Variants in RIMS2 observed in about 807,000 individuals in gnomAD.
The protein encoded by RIMS2 is regulating synaptic membrane exocytosis protein 2.
RIMS2 carries 59 observed loss-of-function variants against 174.4 expected under a neutral mutation model. The observed-to-expected ratio is 0.34, with a 90% CI of 0.27 to 0.42. The LOEUF is 0.42. Among genes scored for constraint, RIMS2 ranks in the 10% least tolerant of loss-of-function variants. The pLI is 1.00. For synonymous variants in RIMS2, 606 were observed against 572.5 expected (o/e 1.06, Z -0.84); for missense variants, 1,620 against 1,666.3 (o/e 0.97, Z 0.48).
At chr8:104,205,723 G>T (rs1306514437) in intron 19 of RIMS2, among the ~76,000 whole-genome samples, 4 of 151,826 alleles carry the variant, frequency 2.6e-5, no homozygotes, top group Admixed American at 1.3e-4. Context: ...TGATTATCAG[G>T]CACACTCATC....
At chr8:104,185,703 C>G (rs968755387) in intron 19 of RIMS2, among the ~76,000 whole-genome samples, 1 of 151,354 alleles carries the variant, frequency 6.6e-6, no homozygotes, top group Non-Finnish European at 1.5e-5. Context: ...ATTATATACA[C>G]CAGTCAGAAT....
At chr8:103,518,235 A>G (rs577200157) in intron 1 of RIMS2, among the ~76,000 whole-genome samples, 3 of 152,036 alleles carry the variant, frequency 2.0e-5, no homozygotes, top group Non-Finnish European at 4.4e-5. Context: ...AAGTTATTAG[A>G]ATGACTGTAT....
intron 1 of RIMS2, among the ~76,000 whole-genome samples, chr8:103,511,528 CTA>C (rs1360500730): frequency 1.3e-5 from 2 of 152,100 alleles, no homozygotes; most frequent in African/African-American, 4.8e-5. Context: ...ATTTTTTACC[CTA>C]GAGTCTGGTT....
chr8:104,115,539 A>G (rs1475132481), intron 19 of RIMS2, among the ~76,000 whole-genome samples: 1 of 152,184 alleles, frequency 6.6e-6, no homozygotes, highest in African/African-American at 2.4e-5. Flanking sequence ...CAGAAATAGG[A>G]AAGTGAACAT....
intron 3 of RIMS2, among the ~76,000 whole-genome samples, chr8:103,840,442 A>ATTTTTTTTTTTTTTTTTT (rs2098932456): frequency 6.6e-6 from 1 of 151,870 alleles, no homozygotes; most frequent in African/African-American, 2.4e-5. Context: ...GTGGTAATTC[A>ATTTTTTTTTTTTTTTTTT]TTTATTTTGA....
Position 103,931,345 on chromosome 8 carries a change from G to A in RIMS2, c.2327G>A (p.Gly776Glu), listed in dbSNP as rs768216298. 3.7e-6 allele frequency: 6 copies of A among 1,606,124 alleles called. No individual in the cohort carries two copies. The South Asian group carries it at 4.4e-5, about 12-fold the overall frequency. Residue 776 changes from glycine (G) to glutamate (E), a missense_variant, in exon 12 of 24, where the codon GGG (glycine) becomes GAG (glutamate). Transcript: ENST00000504942. ...AAAGATCTCCCTTCCAGGGAAGATG[G>A]GAGGCCAAGGAATCCTTATGTTAAA... is the stretch of plus-strand genomic sequence containing the variant.
chr8:103,503,460 C>T (rs956152894), intron 1 of RIMS2, among the ~76,000 whole-genome samples: 1 of 151,906 alleles, frequency 6.6e-6, no homozygotes, highest in East Asian at 1.9e-4. Context: ...ATAATACTAA[C>T]GGTCTTCAAT....
chr8:103,579,306 C>T (rs968021033), intron 1 of RIMS2, among the ~76,000 whole-genome samples: 1 of 150,766 alleles, frequency 6.6e-6, no homozygotes, highest in East Asian at 1.9e-4. Flanking sequence ...CACACACACA[C>T]ACGAAATGCC....
chr8:103,882,330 G>A (rs571985737), intron 3 of RIMS2, among the ~76,000 whole-genome samples: 1 of 151,548 alleles, frequency 6.6e-6, no homozygotes, highest in South Asian at 2.1e-4. Context: ...AAATTTAAAG[G>A]ACAGTATATA....
chr8:104,213,771 G>A (rs1350062911), intron 19 of RIMS2, among the ~76,000 whole-genome samples: 1 of 144,266 alleles, frequency 6.9e-6, no homozygotes, highest in African/African-American at 2.6e-5. Context: ...CTGCTACTCA[G>A]GAGGCTGAGG....
chr8:103,722,001 C>A (rs912652537), intron 2 of RIMS2, among the ~76,000 whole-genome samples: 1 of 151,974 alleles, frequency 6.6e-6, no homozygotes, highest in Non-Finnish European at 1.5e-5. Flanking sequence ...GTAGGGAAGG[C>A]AATGATTTTA....
intron 1 of RIMS2, among the ~76,000 whole-genome samples, chr8:103,563,902 A>C (rs1327473949): frequency 6.6e-6 from 1 of 152,144 alleles, no homozygotes; most frequent in Non-Finnish European, 1.5e-5. Flanking sequence ...CTCTTATAAA[A>C]CCAGCAAATC....
intron 4 of RIMS2, among the ~76,000 whole-genome samples, chr8:103,899,894 G>T (rs2099317871): frequency 1.3e-5 from 2 of 151,680 alleles, no homozygotes; most frequent in South Asian, 4.1e-4. Context: ...ATTAATTTTT[G>T]TATAAGGTGT....
chr8:104,107,975 C>T (rs999150648), intron 19 of RIMS2, among the ~76,000 whole-genome samples: 7 of 150,946 alleles, frequency 4.6e-5, no homozygotes, highest in East Asian at 1.9e-4. Context: ...CTGCCCCCCC[C>T]CCACAATGGA....
intron 17 of RIMS2, among the ~76,000 whole-genome samples, chr8:104,010,141 T>G (rs1202052191): frequency 6.6e-6 from 1 of 152,162 alleles, no homozygotes; most frequent in Non-Finnish European, 1.5e-5. Context: ...TACAAATCCC[T>G]TGTCCTTTCA....
chr8:104,042,327 A>T (rs1204279703), intron 19 of RIMS2, among the ~76,000 whole-genome samples: 6 of 151,570 alleles, frequency 4.0e-5, no homozygotes, highest in Admixed American at 4.0e-4. Flanking sequence ...GCAGAGACCG[A>T]TTTATGAAGA....
chr8:104,107,967 G>T (rs1040315586), intron 19 of RIMS2, among the ~76,000 whole-genome samples: 1 of 141,162 alleles, frequency 7.1e-6, no homozygotes, highest in African/African-American at 2.6e-5. Flanking sequence ...TCTTTCCCCT[G>T]CCCCCCCCCC....
chr8:103,683,730 A>G (rs562307809), intron 1 of RIMS2, among the ~76,000 whole-genome samples: 1 of 152,310 alleles, frequency 6.6e-6, no homozygotes, highest in African/African-American at 2.4e-5. Flanking sequence ...AATATGTGTC[A>G]AATTTCTACA....
At chr8:104,204,945 C>G (rs1351859654) in intron 19 of RIMS2, among the ~76,000 whole-genome samples, 1 of 152,056 alleles carries the variant, frequency 6.6e-6, no homozygotes, top group African/African-American at 2.4e-5. Context: ...GCTAAACAAA[C>G]CTAAGATTAC....
Sources: gnomAD v4.1 joint callset for allele counts (sites outside exome capture counted in the v4.1 genomes callset) on GRCh38, gnomAD v4.1.1 for gene constraint, MANE v1.5 for transcripts, NCBI Gene and HGNC (gene_info 2026-07-23, HGNC 2026-07-21) for gene names.